CPS1: variants seen among roughly 807,000 people sequenced by gnomAD.
CPS1 encodes carbamoyl-phosphate synthase 1, also known as carbamoyl-phosphate synthase [ammonia], mitochondrial.
Under a neutral mutation model 174.6 loss-of-function variants are expected in CPS1, and 109 were observed. The ratio of observed to expected loss-of-function variants is 0.62; its 90% CI spans 0.53 to 0.73. The LOEUF is 0.73. CPS1 is among the 30% of genes least tolerant of loss of function. CPS1 has a pLI of 0.00. For synonymous variants in CPS1, 637 were observed against 632.0 expected (o/e 1.01, Z -0.12); for missense variants, 1,689 against 1,821.9 (o/e 0.93, Z 1.33).
intron 1 of CPS1, among the ~76,000 whole-genome samples, chr2:210,561,606 G>A (rs1697103405): frequency 6.6e-6 from 1 of 152,132 alleles, no homozygotes; most frequent in Admixed American, 6.5e-5. Flanking sequence ...TTCACTTCAA[G>A]CCTTCAGGAG....
intron 1 of CPS1, among the ~76,000 whole-genome samples, chr2:210,544,661 G>A (rs974058001): frequency 1.3e-5 from 2 of 152,032 alleles, no homozygotes; most frequent in African/African-American, 2.4e-5. Flanking sequence ...TAGTTTGAGA[G>A]GGTAGCTATT....
At chr2:210,499,090 C>T (rs1287280216) in intron 1 of CPS1, among the ~76,000 whole-genome samples, 1 of 152,072 alleles carries the variant, frequency 6.6e-6, no homozygotes, top group Non-Finnish European at 1.5e-5. Flanking sequence ...GTATGCTGAT[C>T]TGGGTGAATG....
intron 10 of CPS1, 108 bp downstream of exon 10, chr2:210,592,077 T>G (rs912863638): frequency 8.8e-6 from 11 of 1,243,936 alleles, no homozygotes; most frequent in Non-Finnish European, 1.2e-5. Context: ...TGTGATATTT[T>G]GATACATGCA....
chr2:210,633,236 C>T (rs557451032), intron 21 of CPS1, among the ~76,000 whole-genome samples: 2 of 151,916 alleles, frequency 1.3e-5, no homozygotes, highest in Admixed American at 6.6e-5. Context: ...GGAGCAGTAA[C>T]AGTTGAGTTA....
At chr2:210,590,066 A>G (rs1698235902) in intron 7 of CPS1, 40 bp from the exon 8 acceptor site, 1 of 1,611,808 alleles carries the variant, frequency 6.2e-7, no homozygotes, top group Admixed American at 1.7e-5. Context: ...TGGCAAAGAA[A>G]CATGTTATTA....
At chr2:210,588,177 G>C in intron 7 of CPS1, 30 bp downstream of exon 7, 3 of 1,586,224 alleles carry the variant, frequency 1.9e-6, no homozygotes, top group Non-Finnish European at 1.7e-6. Flanking sequence ...CAAAGGTGAG[G>C]GTTTGTCATA....
intron 22 of CPS1, among the ~76,000 whole-genome samples, chr2:210,638,688 C>T (rs1452545089): frequency 3.3e-5 from 5 of 152,282 alleles, no homozygotes; most frequent in African/African-American, 1.2e-4. Flanking sequence ...TTGTTCTCCC[C>T]CCGTTCATCC....
chr2:210,676,988 T>G lies in CPS1; in HGVS notation c.4275-19T>G. 2 of 1,610,726 alleles carry G rather than the reference T, an allele frequency of 1.2e-6. No homozygotes were observed. Among genetic ancestry groups the G allele is most frequent in the Non-Finnish European group, 1.7e-6 (2 of 1,177,040 alleles). On this transcript the variant is annotated intron_variant, in intron 36 of 37. Coordinates refer to ENST00000233072, the MANE Select transcript of CPS1 (RefSeq NM_001875.5). ...TAAAATATGCCTTGTTGTCTATAAG[T>G]TTTTGTTTATTTTTCCAGATTGATT...
At chr2:210,582,474 A>C (rs189897774) in intron 5 of CPS1, 143 bp from the exon 6 acceptor site, 5 of 693,300 alleles carry the variant, frequency 7.2e-6, no homozygotes, top group Admixed American at 4.7e-5. Context: ...CAGTTTGAGA[A>C]GATGAAGATC....
At chr2:210,525,722 G>A (rs1487361887) in intron 1 of CPS1, among the ~76,000 whole-genome samples, 1 of 151,526 alleles carries the variant, frequency 6.6e-6, no homozygotes, top group Non-Finnish European at 1.5e-5. Context: ...GGAGAGGATA[G>A]CTGGGCTGAG....
chr2:210,649,710 T>G (rs1223330295), intron 27 of CPS1, among the ~76,000 whole-genome samples: 2 of 152,214 alleles, frequency 1.3e-5, no homozygotes, highest in Non-Finnish European at 2.9e-5. Context: ...CTTATTTTTA[T>G]TTTTGCTTTC....
chr2:210,674,640 G>A (rs1448852896), intron 34 of CPS1: 1 of 509,884 alleles, frequency 2.0e-6, no homozygotes, highest in Non-Finnish European at 3.6e-6. Flanking sequence ...AGACCAAGTA[G>A]ATTAAATAGA....
intron 21 of CPS1, chr2:210,620,000 G>A (rs569258833): frequency 2.6e-5 from 4 of 151,938 alleles, no homozygotes; most frequent in Non-Finnish European, 5.9e-5. Flanking sequence ...GGGTTGATGG[G>A]TGCAACAAAT....
intron 1 of CPS1, among the ~76,000 whole-genome samples, chr2:210,536,320 CTTT>C (rs1440042501): frequency 1.6e-5 from 2 of 125,180 alleles, no homozygotes; most frequent in Admixed American, 8.0e-5. Flanking sequence ...TGTTTAGGTA[CTTT>C]TTTTTTTTTT....
chr2:210,628,155 ACTT>A (rs1222378203), intron 21 of CPS1, among the ~76,000 whole-genome samples: 4 of 152,166 alleles, frequency 2.6e-5, no homozygotes, highest in African/African-American at 9.7e-5. Context: ...AATTGCAGTT[ACTT>A]CTTCTACCCC....
At chr2:210,538,070 A>G (rs1360675968) in intron 1 of CPS1, among the ~76,000 whole-genome samples, 1 of 152,218 alleles carries the variant, frequency 6.6e-6, no homozygotes, top group African/African-American at 2.4e-5. Flanking sequence ...TGGGGAGCAC[A>G]GAATGATTCA....
intron 1 of CPS1, among the ~76,000 whole-genome samples, chr2:210,537,745 G>C (rs887667970): frequency 6.6e-6 from 1 of 152,132 alleles, no homozygotes; most frequent in African/African-American, 2.4e-5. Flanking sequence ...TACTGTTGAT[G>C]GATGATGCAT....
At chr2:210,614,429 T>G (rs1176157741) in intron 20 of CPS1, among the ~76,000 whole-genome samples, 1 of 152,004 alleles carries the variant, frequency 6.6e-6, no homozygotes, top group Non-Finnish European at 1.5e-5. Context: ...ATGGGATTGC[T>G]GGGTCAAATG....
In CPS1 at chr2:210,658,574, T is replaced by C. The variant is rs1325462792; in HGVS notation, c.3667-25T>C. ...AACTAAGATATGCTCTTTAGCACAC[T>C]ATACGATTATGCTTTTTAATTCAGG... On this transcript the variant is annotated intron_variant, in intron 30 of 37. Coordinates refer to ENST00000233072, the MANE Select transcript of CPS1 (RefSeq NM_001875.5). 4 of 1,602,558 alleles carry C rather than the reference T, an allele frequency of 2.5e-6. No individual in the cohort carries two copies. In the South Asian group the frequency reaches 4.4e-5, roughly 18 times the overall value.
Sources: allele counts gnomAD v4.1 joint callset (sites outside exome capture counted in the v4.1 genomes callset), GRCh38; gene constraint gnomAD v4.1.1; transcripts MANE v1.5; gene names NCBI Gene and HGNC (gene_info 2026-07-23, HGNC 2026-07-21).